Variants in CATSPERE observed in about 807,000 individuals in gnomAD.
CATSPERE encodes the protein cation channel sperm-associated auxiliary subunit epsilon.
CATSPERE carries 93 observed loss-of-function variants against 114.1 expected under a neutral mutation model. The ratio of observed to expected loss-of-function variants is 0.81; its 90% CI spans 0.69 to 0.97. The LOEUF is 0.97. Among genes scored for constraint, CATSPERE ranks in the 50% least tolerant of loss-of-function variants. The probability of loss-of-function intolerance (pLI) is 0.00; values close to 1 mark genes in which losing one functional copy is unlikely to be tolerated. For missense variants in CATSPERE, 1,058 were observed against 1,131.6 expected (o/e 0.93, Z 0.93); for synonymous variants, 341 against 384.1 (o/e 0.89, Z 1.31).
At chr1:244,578,445 C>T (rs1175956612) in intron 11 of CATSPERE, among the ~76,000 whole-genome samples, 1 of 152,112 alleles carries the variant, frequency 6.6e-6, no homozygotes. Context: ...GTCACCACAC[C>T]CGGCCGTGGT....
At chr1:244,558,679 ATTAAC>A (rs1474555093) in intron 9 of CATSPERE, among the ~76,000 whole-genome samples, 3 of 152,060 alleles carry the variant, frequency 2.0e-5, no homozygotes, top group Non-Finnish European at 4.4e-5. Flanking sequence ...TCATTGGGTA[ATTAAC>A]TTTACTTTCT....
At chr1:244,587,963 G>A (rs1558548447) in intron 13 of CATSPERE, among the ~76,000 whole-genome samples, 1 of 152,164 alleles carries the variant, frequency 6.6e-6, no homozygotes, top group Non-Finnish European at 1.5e-5. Flanking sequence ...GGGAGGCAGA[G>A]GCAGGTGGAT....
intron 7 of CATSPERE, among the ~76,000 whole-genome samples, chr1:244,515,962 G>A (rs1312462472): frequency 6.6e-6 from 1 of 151,636 alleles, no homozygotes; most frequent in Non-Finnish European, 1.5e-5. Context: ...GGAAGGCTGA[G>A]GCAGGAGGAT....
upstream of CATSPERE, among the ~76,000 whole-genome samples, chr1:244,459,421 C>A (rs1414661069): frequency 2.6e-5 from 4 of 152,136 alleles, no homozygotes; most frequent in Admixed American, 2.6e-4. Flanking sequence ...CTTCATGGAA[C>A]AGAGTTCTAT....
intron 11 of CATSPERE, among the ~76,000 whole-genome samples, chr1:244,578,429 G>T (rs2148598404): frequency 6.6e-6 from 1 of 152,180 alleles, no homozygotes; most frequent in Admixed American, 6.5e-5. Context: ...GGGATTACAG[G>T]TGTGAGTCAC....
intron 7 of CATSPERE, among the ~76,000 whole-genome samples, chr1:244,514,850 A>AG (rs1491492221): frequency 6.7e-5 from 10 of 150,066 alleles, no homozygotes; most frequent in Non-Finnish European, 1.5e-4. Context: ...AAAAAAAAAA[A>AG]GAGTGCCTGG....
intron 20 of CATSPERE, among the ~76,000 whole-genome samples, chr1:244,621,092 TAA>T (rs543949600): frequency 7.4e-5 from 5 of 67,358 alleles, no homozygotes; most frequent in South Asian, 4.3e-4. Context: ...TAAATATATA[TAA>T]AATATATATA....
chr1:244,620,224 G>T (rs774405647), intron 20 of CATSPERE, among the ~76,000 whole-genome samples: 2 of 152,152 alleles, frequency 1.3e-5, no homozygotes, highest in African/African-American at 2.4e-5. Flanking sequence ...TCAACAGATC[G>T]CTGTTTCTTT....
At chr1:244,508,044 G>T (rs1338451922) in intron 7 of CATSPERE, among the ~76,000 whole-genome samples, 1 of 151,868 alleles carries the variant, frequency 6.6e-6, no homozygotes, top group Non-Finnish European at 1.5e-5. Context: ...CATTGAATTT[G>T]TACATTGCTC....
At chr1:244,585,053 C>CCTCT (rs1666836991) in intron 13 of CATSPERE, among the ~76,000 whole-genome samples, 4 of 151,116 alleles carry the variant, frequency 2.6e-5, no homozygotes, top group Admixed American at 6.6e-5. Context: ...TTCCTCCAGC[C>CCTCT]CTCTCTAATC....
rs1264012227 is a variant in CATSPERE at position 244,639,908 on chromosome 1, T to C, written c.2703-20T>C. The C allele has an allele frequency of 1.3e-6, 2 of 1,521,348 alleles. No individual in the cohort carries two copies. The highest frequency in any genetic ancestry group is 1.8e-6 in the Non-Finnish European group (2 of 1,137,242). The allele number at this position is 1,521,348 out of a possible 1,614,324, so 94.2% of individuals were successfully genotyped here. Reference sequence around the variant, plus strand: ...TGAACAATGACTTCTAATGCCTTTTTTTTTTTTTTCTGATTTCAGTCCAAG... The same window carrying C: ...TGAACAATGACTTCTAATGCCTTTTCTTTTTTTTTCTGATTTCAGTCCAAG... On this transcript the variant is annotated intron_variant, in intron 21 of 21. Transcript: ENST00000366534.
At chr1:244,472,561 C>A (rs1206820047) in intron 2 of CATSPERE, among the ~76,000 whole-genome samples, 1 of 152,024 alleles carries the variant, frequency 6.6e-6, no homozygotes, top group African/African-American at 2.4e-5. Context: ...CCCAGTTTGC[C>A]CTATTACTGA....
chr1:244,501,241 A>G (rs1673991658), intron 7 of CATSPERE, among the ~76,000 whole-genome samples: 1 of 152,224 alleles, frequency 6.6e-6, no homozygotes, highest in South Asian at 2.1e-4. Context: ...TTGAGCATCC[A>G]TATCAAAACC....
intron 17 of CATSPERE, among the ~76,000 whole-genome samples, chr1:244,603,762 T>C (rs1669603436): frequency 6.6e-6 from 1 of 152,084 alleles, no homozygotes; most frequent in Non-Finnish European, 1.5e-5. Context: ...TCCCAGTGCT[T>C]TGGGAATCAG....
intron 20 of CATSPERE, among the ~76,000 whole-genome samples, chr1:244,625,405 T>TA (rs2148730587): frequency 1.1e-4 from 1 of 9,480 alleles, no homozygotes; most frequent in South Asian, 5.6e-3. Flanking sequence ...ATTATTATTA[T>TA]TTATATATAT....
intron 5 of CATSPERE, among the ~76,000 whole-genome samples, chr1:244,485,246 A>C (rs1670811583): frequency 6.6e-6 from 1 of 151,368 alleles, no homozygotes; most frequent in Non-Finnish European, 1.5e-5. Context: ...AGGTGGCATG[A>C]TCTCAGCTCA....
At chr1:244,454,561 T>C (rs115003003) in exon 1 of CATSPERE, 1 of 151,152 alleles carries the variant, frequency 6.6e-6, no homozygotes, top group East Asian at 1.9e-4. Context: ...ACTCCATTCT[T>C]CTGGAAACTG....
At chr1:244,517,420 CAAAAT>C (rs1409746776) in intron 7 of CATSPERE, among the ~76,000 whole-genome samples, 2 of 151,766 alleles carry the variant, frequency 1.3e-5, no homozygotes, top group Admixed American at 1.3e-4. Flanking sequence ...TTTTCAGAAA[CAAAAT>C]TAAAATATCT....
At chr1:244,554,844 C>T (rs1053188792) in intron 9 of CATSPERE, among the ~76,000 whole-genome samples, 2 of 152,072 alleles carry the variant, frequency 1.3e-5, no homozygotes, top group Middle Eastern at 3.2e-3. Context: ...AGAAAACTTA[C>T]AGGCCAATAT....
Sources: gnomAD v4.1 joint callset for allele counts (sites outside exome capture counted in the v4.1 genomes callset) on GRCh38, gnomAD v4.1.1 for gene constraint, MANE v1.5 for transcripts, NCBI Gene and HGNC (gene_info 2026-07-23, HGNC 2026-07-21) for gene names.